Variants in MYO6 observed in about 807,000 individuals in gnomAD.
The protein encoded by MYO6 is unconventional myosin-VI.
In MYO6, 74 loss-of-function variants were observed where a neutral mutation model predicts 178.7. That is an observed-to-expected ratio of 0.41 (90% confidence interval 0.34 to 0.50). The LOEUF is 0.50. Among genes scored for constraint, MYO6 ranks in the 20% least tolerant of loss-of-function variants. The pLI is 0.09. For missense variants in MYO6, 1,330 were observed against 1,547.4 expected (o/e 0.86, Z 2.36); for synonymous variants, 477 against 504.6 (o/e 0.95, Z 0.73).
chr6:75,836,263 T>A (rs965291359), intron 7 of MYO6, among the ~76,000 whole-genome samples: 4 of 152,222 alleles, frequency 2.6e-5, no homozygotes, highest in African/African-American at 7.2e-5. Context: ...GCTTCCAGTT[T>A]GTTTTATGGA....
Position 75,866,638 on chromosome 6 carries a change from C to G in MYO6, c.1770+17C>G, listed in dbSNP as rs1002883208. 6.3e-7 allele frequency: 1 copy of G among 1,596,400 alleles called. No individual in the cohort carries two copies. On this transcript the variant is annotated intron_variant, in intron 17 of 34. Coordinates refer to ENST00000369977, the MANE Select transcript of MYO6 (RefSeq NM_004999.4). ...TATGAAACAGTGAGTATAACTTTTA[C>G]AAGGAGAAAACCATTTCATGTTGAA...
intron 30 of MYO6, among the ~76,000 whole-genome samples, chr6:75,902,456 G>C (rs184008872): frequency 0.02 from 2,973 of 152,290 alleles, 41 homozygotes; most frequent in Non-Finnish European, 0.033. Flanking sequence ...AGTGTTGGGA[G>C]AGTGTATGTG....
At chr6:75,914,325 A>G in intron 34 of MYO6, 44 bp downstream of exon 34, 1 of 1,551,312 alleles carries the variant, frequency 6.4e-7, no homozygotes, top group Non-Finnish European at 8.9e-7. Context: ...AACAAAAAAG[A>G]TCATAAACTC....
intron 16 of MYO6, among the ~76,000 whole-genome samples, chr6:75,863,327 CT>C (rs1776360402): frequency 6.6e-6 from 1 of 152,132 alleles, no homozygotes; most frequent in Non-Finnish European, 1.5e-5. Flanking sequence ...CATTTTGACC[CT>C]CTTTCCTAAG....
intron 1 of MYO6, among the ~76,000 whole-genome samples, chr6:75,814,822 G>C (rs1180320729): frequency 1.3e-5 from 2 of 151,184 alleles, no homozygotes; most frequent in African/African-American, 4.9e-5. Flanking sequence ...TTGCATCACT[G>C]TGCCACTGCA....
Position 75,914,823 on chromosome 6 carries a change from C to T in MYO6, c.3669C>T (p.Asp1223=). 6.2e-7 allele frequency: 1 copy of T among 1,614,086 alleles called. No homozygotes were observed. The highest frequency in any genetic ancestry group is 8.5e-7 in the Non-Finnish European group (1 of 1,179,996). Residue 1223 remains aspartate (D), a synonymous_variant, in exon 35 of 35, where the codon GAC becomes GAT. Transcript: ENST00000369977. The stretch of plus-strand genomic sequence containing the variant: ...ATCTCATGAATACAGGTAAGGACGA[C>T]ATGGAGATGTGTGAGCTGAATCTTG... ...PPILLVAGKD[D]MEMCELNLEE...
At chr6:75,894,113 T>C (rs1169006592) in intron 28 of MYO6, among the ~76,000 whole-genome samples, 9 of 152,212 alleles carry the variant, frequency 5.9e-5, no homozygotes, top group Admixed American at 2.0e-4. Flanking sequence ...GGAGTCATTG[T>C]TGGTACTCAT....
chr6:75,885,856 A>C, intron 23 of MYO6, 148 bp from the exon 24 acceptor site: 1 of 613,396 alleles, frequency 1.6e-6, no homozygotes, highest in Non-Finnish European at 2.9e-6. Flanking sequence ...AAGGTGTTAA[A>C]ACTTTGTTTT....
intron 1 of MYO6, among the ~76,000 whole-genome samples, chr6:75,804,651 C>T (rs9447558): frequency 1.8e-3 from 281 of 152,068 alleles, no homozygotes; most frequent in African/African-American, 6.4e-3. Context: ...CACCTTTATA[C>T]CCCCAACACC....
chr6:75,850,405 A>G (rs900798665), intron 11 of MYO6, among the ~76,000 whole-genome samples: 2 of 152,220 alleles, frequency 1.3e-5, no homozygotes, highest in African/African-American at 4.8e-5. Flanking sequence ...CAGAAGTGGA[A>G]CCTGTGTTGA....
chr6:75,880,116 G>A lies in MYO6; in HGVS notation c.2282G>A (p.Gly761Asp). Reference protein sequence around the residue: ...FGLTKVFFRPGKFAEFDQIMK... With the variant: ...FGLTKVFFRPDKFAEFDQIMK... The stretch of plus-strand genomic sequence containing the variant: ...TTAACCAAAGTATTTTTTAGACCTG[G>A]CAAGGTAAATATACATTTTTTACTT... Residue 761 changes from glycine (G) to aspartate (D), a missense_variant, in exon 22 of 35, where the codon GGC becomes GAC. Gly to Asp is a moderately conservative substitution (Grantham distance 94). This residue lies in a region of MYO6 where 613 missense variants were observed against 816.8 expected (regional missense o/e 0.75). Transcript: ENST00000369977. 6.2e-7 allele frequency: 1 copy of A among 1,605,036 alleles called. No homozygotes were observed. Among genetic ancestry groups the A allele is most frequent in the Non-Finnish European group, 8.5e-7 (1 of 1,174,304 alleles).
At chr6:75,795,938 A>G (rs1768772178) in intron 1 of MYO6, among the ~76,000 whole-genome samples, 3 of 152,304 alleles carry the variant, frequency 2.0e-5, no homozygotes, top group East Asian at 1.9e-4. Flanking sequence ...TTGCTTTTTA[A>G]TGGGTTTATG....
At chr6:75,789,895 C>A (rs1007678550) in intron 1 of MYO6, among the ~76,000 whole-genome samples, 2 of 152,166 alleles carry the variant, frequency 1.3e-5, no homozygotes, top group Admixed American at 1.3e-4. Flanking sequence ...CTCCCCCTGT[C>A]CTCCACCCTC....
At chr6:75,887,702 G>A (rs1778562888) in intron 25 of MYO6, among the ~76,000 whole-genome samples, 1 of 150,222 alleles carries the variant, frequency 6.7e-6, no homozygotes, top group Non-Finnish European at 1.5e-5. Flanking sequence ...GGCCGGGCAC[G>A]GTGGGTCACG....
rs763119645 is a variant in MYO6 at position 75,915,046 on chromosome 6, TGC to T, written c.*35_*36del. ...CACCAGCCTTACAGCTGGGAGCCTT[TGC>T]CATGGTACTTAGGTAGGGTGTGTGC... On this transcript the variant is annotated 3_prime_UTR_variant, in exon 35 of 35. Coordinates refer to ENST00000369977, the MANE Select transcript of MYO6 (RefSeq NM_004999.4). 12 of 1,588,132 alleles carry T rather than the reference TGC, an allele frequency of 7.6e-6. No individual in the cohort carries two copies. Among genetic ancestry groups the T allele is most frequent in the South Asian group, 1.1e-5 (1 of 88,384 alleles).
intron 1 of MYO6, among the ~76,000 whole-genome samples, chr6:75,769,342 C>T (rs892523258): frequency 6.6e-6 from 1 of 152,312 alleles, no homozygotes; most frequent in East Asian, 1.9e-4. Flanking sequence ...CTCCTTCCAC[C>T]CATGAGCCTG....
intron 1 of MYO6, among the ~76,000 whole-genome samples, chr6:75,790,203 T>G (rs192317860): frequency 6.6e-6 from 1 of 152,204 alleles, no homozygotes; most frequent in African/African-American, 2.4e-5. Context: ...TCAAAAAGTC[T>G]AAACTTTCTT....
chr6:75,766,294 G>A (rs1778411590), intron 1 of MYO6, among the ~76,000 whole-genome samples: 1 of 151,988 alleles, frequency 6.6e-6, no homozygotes, highest in African/African-American at 2.4e-5. Flanking sequence ...TTGTGCTCCA[G>A]CGTGGGTAAA....
At chr6:75,764,213 A>T (rs910021159) in intron 1 of MYO6, among the ~76,000 whole-genome samples, 1 of 152,088 alleles carries the variant, frequency 6.6e-6, no homozygotes, top group Non-Finnish European at 1.5e-5. Context: ...CCTGGTCTCT[A>T]AATTCTTACT....
Sources: gnomAD v4.1 joint callset for allele counts (sites outside exome capture counted in the v4.1 genomes callset) on GRCh38, gnomAD v4.1.1 for gene constraint, gnomAD v4.1.1 regional missense constraint, MANE v1.5 for transcripts, NCBI Gene and HGNC (gene_info 2026-07-23, HGNC 2026-07-21) for gene names.